The following MLIP variants were observed in gnomAD, a reference collection of about 807,000 sequenced individuals.
The protein encoded by MLIP is muscular LMNA interacting protein.
In MLIP, 79 loss-of-function variants were observed where a neutral mutation model predicts 84.8. That is an observed-to-expected ratio of 0.93 (90% CI 0.78 to 1.12). The LOEUF (loss-of-function observed/expected upper bound fraction) is 1.12, where lower values mean the gene tolerates loss of function less well. Among genes scored for constraint, MLIP ranks in the 50% most tolerant of loss-of-function variants. The pLI is 0.00. For missense variants in MLIP, 1,257 were observed against 1,160.6 expected (o/e 1.08, Z -1.21); for synonymous variants, 504 against 463.0 (o/e 1.09, Z -1.14).
chr6:54,181,428 GC>G (rs1776857567), intron 9 of MLIP, among the ~76,000 whole-genome samples: 2 of 152,088 alleles, frequency 1.3e-5, no homozygotes, highest in South Asian at 2.1e-4. Context: ...CTCCCTTCTG[GC>G]CCAGGGCTGG....
chr6:54,167,944 G>A (rs1011079867), intron 8 of MLIP, among the ~76,000 whole-genome samples: 1 of 151,734 alleles, frequency 6.6e-6, no homozygotes, highest in African/African-American at 2.4e-5. Context: ...AGCTTCTCAA[G>A]CAACTCATCA....
chr6:54,200,284 A>G (rs915661169), intron 10 of MLIP, among the ~76,000 whole-genome samples: 3 of 152,154 alleles, frequency 2.0e-5, no homozygotes, highest in African/African-American at 7.2e-5. Context: ...TTATCCTACC[A>G]TCCAAAGTGC....
intron 12 of MLIP, among the ~76,000 whole-genome samples, chr6:54,252,189 C>G (rs12202760): frequency 1.0e-5 from 1 of 100,156 alleles, no homozygotes; most frequent in Non-Finnish European, 1.7e-5. Context: ...TAATATATAA[C>G]TATAATATAT....
intron 9 of MLIP, among the ~76,000 whole-genome samples, chr6:54,172,898 C>G (rs975773176): frequency 1.3e-5 from 2 of 151,572 alleles, no homozygotes; most frequent in South Asian, 2.1e-4. Flanking sequence ...TCTTAAAATG[C>G]AGGCTATTTT....
chr6:54,079,692 C>G (rs1050717247), intron 1 of MLIP: 1 of 152,070 alleles, frequency 6.6e-6, no homozygotes, highest in South Asian at 2.1e-4. Context: ...AGCTTGATTC[C>G]TTTCCCCCCA....
At chr6:54,213,723 A>C (rs1048085876) in intron 11 of MLIP, among the ~76,000 whole-genome samples, 20 of 114,932 alleles carry the variant, frequency 1.7e-4, no homozygotes, top group Middle Eastern at 4.4e-3. Flanking sequence ...AAAAAAAAAA[A>C]AAAAAAAAAA....
intron 1 of MLIP, chr6:54,031,283 G>T (rs1228654953): frequency 6.6e-6 from 1 of 151,936 alleles, no homozygotes; most frequent in Admixed American, 6.6e-5. Flanking sequence ...ATGAGATTGT[G>T]TCAGAGAGGA....
intron 1 of MLIP, among the ~76,000 whole-genome samples, chr6:54,085,704 C>T (rs971328942): frequency 1.3e-5 from 2 of 152,204 alleles, no homozygotes; most frequent in African/African-American, 4.8e-5. Flanking sequence ...AAGCACAGAT[C>T]CATTCCTTTG....
intron 1 of MLIP, among the ~76,000 whole-genome samples, chr6:54,117,695 C>G (rs1770066198): frequency 6.6e-6 from 1 of 151,232 alleles, no homozygotes. Context: ...ACCTGTAATC[C>G]CAGCACTTTG....
chr6:54,158,977 A>C (rs1774337791), intron 5 of MLIP, among the ~76,000 whole-genome samples: 1 of 152,060 alleles, frequency 6.6e-6, no homozygotes, highest in East Asian at 1.9e-4. Context: ...CAGTGGTGTG[A>C]TCAGGGCTCA....
At chr6:54,122,169 A>G (rs1770513144) in intron 2 of MLIP, among the ~76,000 whole-genome samples, 2 of 152,174 alleles carry the variant, frequency 1.3e-5, no homozygotes, top group Non-Finnish European at 2.9e-5. Context: ...AAGAAGAAAA[A>G]TGTTATGTAG....
rs114935692 is a variant in MLIP at position 54,208,729 on chromosome 6, C to G, written c.2718+6496C>G. 8.1e-3 allele frequency among the ~76,000 whole-genome samples: 1,234 copies of G among 152,286 alleles called. 18 individuals are homozygous for G. Among genetic ancestry groups the G allele is most frequent in the African/African-American group, 0.028 (1,155 of 41,524 alleles). On this transcript the variant is annotated intron_variant, in intron 11 of 13. Transcript: ENST00000502396. ...AACCACAGATGGTAACAATCACATA[C>G]CTTTGGCATGTGGGTGAGAATCTTA...
chr6:54,097,176 G>T (rs971254980), intron 1 of MLIP, among the ~76,000 whole-genome samples: 2 of 152,156 alleles, frequency 1.3e-5, no homozygotes, highest in African/African-American at 2.4e-5. Context: ...TTAAGAAAAA[G>T]TTCAGAAATT....
In MLIP at chr6:54,205,300, T is replaced by A. The variant is rs111987140; in HGVS notation, c.2718+3067T>A. Among the ~76,000 whole-genome samples the A allele has an allele frequency of 2.0e-4, 30 of 152,354 alleles. 1 individual carries two copies. Among genetic ancestry groups the A allele is most frequent in the African/African-American group, 7.0e-4 (29 of 41,590 alleles). ...TCACTATTGTCTTCTCTTACACTGC[T>A]GCCACAGAATAAATTGAATGGTTCC... is the stretch of plus-strand genomic sequence containing the variant. On this transcript the variant is annotated intron_variant, in intron 11 of 13. Transcript: ENST00000502396.
chr6:54,098,979 A>C (rs192869172), intron 1 of MLIP, among the ~76,000 whole-genome samples: 1 of 152,318 alleles, frequency 6.6e-6, no homozygotes, highest in East Asian at 1.9e-4. Context: ...TGCTGAGCTC[A>C]TGCTTAAGAG....
chr6:54,072,600 C>A (rs1193579898), intron 1 of MLIP, among the ~76,000 whole-genome samples: 3 of 152,138 alleles, frequency 2.0e-5, no homozygotes, highest in Non-Finnish European at 4.4e-5. Flanking sequence ...TGAAATGAGG[C>A]ACTGCTTATG....
intron 11 of MLIP, among the ~76,000 whole-genome samples, chr6:54,227,910 G>A (rs145582908): frequency 0.013 from 1,925 of 152,214 alleles, 29 homozygotes; most frequent in African/African-American, 0.042. Flanking sequence ...CAGGCCGGGC[G>A]CAGTGGCTCA....
chr6:54,216,263 C>G, intron 11 of MLIP: 2 of 985,354 alleles, frequency 2.0e-6, no homozygotes, highest in Non-Finnish European at 2.4e-6. Flanking sequence ...TCTTCTTTCT[C>G]TCTTCCATTA....
chr6:54,071,531 A>C (rs1216304203), intron 1 of MLIP, among the ~76,000 whole-genome samples: 2 of 152,146 alleles, frequency 1.3e-5, no homozygotes, highest in Non-Finnish European at 2.9e-5. Context: ...ATAATGAGTT[A>C]ACCTGTTTAG....
Sources: allele counts gnomAD v4.1 joint callset (sites outside exome capture counted in the v4.1 genomes callset), GRCh38; gene constraint gnomAD v4.1.1; transcripts MANE v1.5; gene names NCBI Gene and HGNC (gene_info 2026-07-23, HGNC 2026-07-21).